VRK3: variants seen among roughly 807,000 people sequenced by gnomAD.
The protein encoded by VRK3 is VRK serine/threonine kinase 3, also known as serine/threonine-protein kinase VRK3.
In VRK3, 50 loss-of-function variants were observed where a neutral mutation model predicts 60.4. The observed-to-expected ratio is 0.83, with a 90% CI of 0.66 to 1.05. The LOEUF (loss-of-function observed/expected upper bound fraction) is 1.05, where lower values mean the gene tolerates loss of function less well. Among genes scored for constraint, VRK3 ranks in the 50% least tolerant of loss-of-function variants. The pLI is 0.00. For synonymous variants in VRK3, 246 were observed against 227.8 expected, an observed-to-expected ratio of 1.08 and a Z score of -0.72; for missense variants, 549 against 585.3, an observed-to-expected ratio of 0.94 and a Z score of 0.64.
At chr19:50,008,259 G>C (rs1418697926) in intron 4 of VRK3, among the ~76,000 whole-genome samples, 1 of 152,170 alleles carries the variant, frequency 6.6e-6, no homozygotes, top group Non-Finnish European at 1.5e-5. Flanking sequence ...TCCTGAAAAA[G>C]GACTCAGTCC....
chr19:49,997,520 G>T lies in VRK3; in HGVS notation c.663C>A (p.Ala221=). 1 of 1,613,874 alleles carries T rather than the reference G, an allele frequency of 6.2e-7. No homozygotes were observed. Among genetic ancestry groups the T allele is most frequent in the Non-Finnish European group, 8.5e-7 (1 of 1,179,880 alleles). ...LFNEQNFFQR[A]AKPLQVNKWK... is the part of the protein sequence containing the mutation. The stretch of plus-strand genomic sequence containing the variant: ...GTCAGGTACCTTGCAGAGGCTTGGC[G>T]GCCCGCTGGAAGAAGTTCTGCTCAT... Residue 221 remains alanine (A), a synonymous_variant, in exon 7 of 15, where the codon GCC becomes GCA. Transcript: ENST00000316763.
chr19:50,000,683 TG>T, intron 6 of VRK3, 106 bp downstream of exon 6: 3 of 1,346,984 alleles, frequency 2.2e-6, no homozygotes, highest in Non-Finnish European at 3.1e-6. Context: ...GTGGGGACCC[TG>T]GCCCCCGGCC....
At chr19:50,022,633 C>CA (rs1172963553) in intron 1 of VRK3, among the ~76,000 whole-genome samples, 8,029 of 144,686 alleles carry the variant, frequency 0.055, 672 homozygotes, top group African/African-American at 0.19. Context: ...TAAAAAAGTA[C>CA]AAAAAAAAAA....
chr19:49,979,308 G>A, intron 13 of VRK3, 66 bp from the exon 14 acceptor site: 2 of 1,608,214 alleles, frequency 1.2e-6, no homozygotes, highest in Non-Finnish European at 1.7e-6. Context: ...GATCCTGGGG[G>A]TCTCCACCCA....
At chr19:50,004,734 T>C (rs2076866094) in intron 5 of VRK3, among the ~76,000 whole-genome samples, 1 of 151,978 alleles carries the variant, frequency 6.6e-6, no homozygotes, top group Non-Finnish European at 1.5e-5. Flanking sequence ...ACAGTGAGAC[T>C]GTCTCTATTT....
intron 2 of VRK3, among the ~76,000 whole-genome samples, chr19:50,017,477 G>A (rs1030740184): frequency 5.3e-5 from 8 of 149,756 alleles, no homozygotes; most frequent in African/African-American, 2.0e-4. Context: ...GGGAGGCTGA[G>A]GCAGGAGAAT....
intron 10 of VRK3, 111 bp downstream of exon 10, chr19:49,992,749 T>C (rs2076632836): frequency 1.0e-6 from 1 of 961,370 alleles, no homozygotes; most frequent in Non-Finnish European, 1.6e-6. Context: ...TTATATATGA[T>C]GGACAGCAAT....
intron 5 of VRK3, among the ~76,000 whole-genome samples, chr19:50,001,829 T>C (rs1037436522): frequency 1.3e-5 from 2 of 152,056 alleles, no homozygotes; most frequent in Non-Finnish European, 2.9e-5. Context: ...TTTGCATGTC[T>C]GTAAGATGGG....
chr19:49,985,536 CCT>C (rs1339014167), intron 12 of VRK3, among the ~76,000 whole-genome samples: 3 of 152,134 alleles, frequency 2.0e-5, no homozygotes, highest in Admixed American at 6.5e-5. Flanking sequence ...GAGACCTGCC[CCT>C]GACATTAGAC....
At chr19:50,010,304 C>T (rs2076973697) in intron 3 of VRK3, among the ~76,000 whole-genome samples, 1 of 152,042 alleles carries the variant, frequency 6.6e-6, no homozygotes, top group Admixed American at 6.6e-5. Flanking sequence ...TCTATTAATT[C>T]TAAAGTCTGT....
intron 4 of VRK3, 72 bp downstream of exon 4, chr19:50,009,164 T>G: frequency 6.5e-7 from 1 of 1,533,822 alleles, no homozygotes; most frequent in East Asian, 2.3e-5. Context: ...GTGGCAGTTT[T>G]GTCCCAAAGA....
intron 12 of VRK3, chr19:49,981,908 G>T: frequency 1.1e-6 from 1 of 928,600 alleles, no homozygotes; most frequent in Non-Finnish European, 1.5e-6. Flanking sequence ...AAGCAAGCAG[G>T]CTCGACTTCA....
intron 5 of VRK3, among the ~76,000 whole-genome samples, chr19:50,006,469 G>A (rs751236300): frequency 6.6e-6 from 1 of 151,540 alleles, no homozygotes; most frequent in Non-Finnish European, 1.5e-5. Context: ...TCTGCCTCCC[G>A]GGTTCACGCC....
intron 5 of VRK3, among the ~76,000 whole-genome samples, chr19:50,002,370 C>T (rs2076821563): frequency 1.3e-5 from 2 of 152,004 alleles, no homozygotes; most frequent in Non-Finnish European, 2.9e-5. Flanking sequence ...GTATGCAGGA[C>T]CCGCATCTCG....
At chr19:49,977,687 C>T (rs770879682) in intron 14 of VRK3, among the ~76,000 whole-genome samples, 3 of 152,094 alleles carry the variant, frequency 2.0e-5, no homozygotes, top group Non-Finnish European at 2.9e-5. Context: ...GAGGAGGCTG[C>T]TGGGGGAGCA....
chr19:50,017,976 A>G (rs1160528107), intron 2 of VRK3, among the ~76,000 whole-genome samples: 2 of 152,172 alleles, frequency 1.3e-5, no homozygotes, highest in Non-Finnish European at 2.9e-5. Flanking sequence ...GACCATTCTG[A>G]TCAAACCCTT....
chr19:50,017,862 T>C (rs1038672467), intron 2 of VRK3, among the ~76,000 whole-genome samples: 3 of 152,146 alleles, frequency 2.0e-5, no homozygotes, highest in Non-Finnish European at 2.9e-5. Flanking sequence ...GGTCTCACTA[T>C]GTTGCCCAGG....
At chr19:49,983,758 A>G (rs995137103) in intron 12 of VRK3, among the ~76,000 whole-genome samples, 1 of 152,200 alleles carries the variant, frequency 6.6e-6, no homozygotes, top group African/African-American at 2.4e-5. Flanking sequence ...ATACCAGTAA[A>G]CCGTCCTAGC....
At chr19:50,001,081 T>A in intron 5 of VRK3, 1 of 482,788 alleles carries the variant, frequency 2.1e-6, no homozygotes, top group Non-Finnish European at 3.7e-6. Flanking sequence ...GCAGCAGGCC[T>A]GAGACGGCTC....
Sources: allele counts gnomAD v4.1 joint callset (sites outside exome capture counted in the v4.1 genomes callset), GRCh38; gene constraint gnomAD v4.1.1; transcripts MANE v1.5; gene names NCBI Gene and HGNC (gene_info 2026-07-23, HGNC 2026-07-21).